The following SYNPR variants were observed in gnomAD, a reference collection of about 807,000 sequenced individuals.
SYNPR encodes synaptoporin.
A neutral mutation model predicts 32.9 loss-of-function variants in SYNPR; 23 were observed. The observed-to-expected ratio is 0.70, with a 90% CI of 0.50 to 0.99. SYNPR has a LOEUF of 0.99. Among genes scored for constraint, SYNPR ranks in the 50% least tolerant of loss-of-function variants. The pLI, the probability that SYNPR is intolerant of heterozygous loss-of-function variation, is 0.00. For missense variants in SYNPR, 318 were observed against 349.3 expected, an observed-to-expected ratio of 0.91 and a Z score of 0.71; for synonymous variants, 146 against 135.9, an observed-to-expected ratio of 1.07 and a Z score of -0.52.
intron 2 of SYNPR, among the ~76,000 whole-genome samples, chr3:63,286,777 T>C (rs1470661605): frequency 6.6e-6 from 1 of 152,192 alleles, no homozygotes; most frequent in Non-Finnish European, 1.5e-5. Flanking sequence ...TTTCCTAACC[T>C]GAAAACTGGG....
chr3:63,567,413 C>T (rs189181674), intron 4 of SYNPR, among the ~76,000 whole-genome samples: 7 of 152,254 alleles, frequency 4.6e-5, no homozygotes, highest in African/African-American at 1.4e-4. Context: ...TTTCATCCTC[C>T]TATCATTTTT....
chr3:63,401,447 C>T (rs535258545), intron 2 of SYNPR, among the ~76,000 whole-genome samples: 2 of 152,276 alleles, frequency 1.3e-5, no homozygotes, highest in East Asian at 3.9e-4. Flanking sequence ...CTAGGAAGTG[C>T]CACTCCAATC....
chr3:63,550,119 C>T (rs972360964), intron 3 of SYNPR: 1 of 151,930 alleles, frequency 6.6e-6, no homozygotes, highest in African/African-American at 2.4e-5. Context: ...TATTTGCTTC[C>T]AAAGTTATTA....
chr3:63,251,282 G>C (rs2086328994), intron 1 of SYNPR, among the ~76,000 whole-genome samples: 1 of 151,874 alleles, frequency 6.6e-6, no homozygotes, highest in South Asian at 2.1e-4. Context: ...CCACGAAAAA[G>C]TCTCTAAGAC....
At chr3:63,419,766 G>A (rs775366260) in intron 2 of SYNPR, among the ~76,000 whole-genome samples, 4 of 152,144 alleles carry the variant, frequency 2.6e-5, no homozygotes, top group Non-Finnish European at 5.9e-5. Context: ...GATTTTCCAT[G>A]AAAGGCATGT....
chr3:63,484,266 A>G (rs1701102523), intron 3 of SYNPR, among the ~76,000 whole-genome samples: 1 of 152,162 alleles, frequency 6.6e-6, no homozygotes, highest in East Asian at 1.9e-4. Flanking sequence ...GATTACAATG[A>G]ACAACTATTA....
At chr3:63,563,643 A>G (rs571319207) in intron 4 of SYNPR, among the ~76,000 whole-genome samples, 1 of 151,672 alleles carries the variant, frequency 6.6e-6, no homozygotes, top group South Asian at 2.1e-4. Flanking sequence ...TGTCTATTTT[A>G]TTTTAATAGG....
the SYNPR span, among the ~76,000 whole-genome samples, chr3:63,220,950 A>T: frequency 6.6e-6 from 1 of 152,162 alleles, no homozygotes; most frequent in African/African-American, 2.4e-5. Context: ...GCAATTCTTT[A>T]TATTAAACTC....
At chr3:63,432,124 C>T (rs1700007773) in intron 2 of SYNPR, among the ~76,000 whole-genome samples, 1 of 152,210 alleles carries the variant, frequency 6.6e-6, no homozygotes, top group Non-Finnish European at 1.5e-5. Context: ...AGCATGTTCA[C>T]ACTATCTTCC....
chr3:63,536,647 T>C (rs147856195), intron 3 of SYNPR, among the ~76,000 whole-genome samples: 1 of 152,268 alleles, frequency 6.6e-6, no homozygotes, highest in East Asian at 1.9e-4. Context: ...AGTGAAAATA[T>C]ATGTCCACAC....
chr3:63,231,635 C>A (rs2086167563), intron 1 of SYNPR, among the ~76,000 whole-genome samples: 1 of 152,134 alleles, frequency 6.6e-6, no homozygotes, highest in South Asian at 2.1e-4. Context: ...CATTGCTGGG[C>A]CTTCCAACTT....
rs115624439 is a variant in SYNPR, at chr3:63,581,677, G to A, written c.408+24936G>A. On this transcript the variant is annotated intron_variant, in intron 4 of 5. Transcript: ENST00000478300. ...AAAGATATGTATTTTTGTACAACAC[G>A]GTCCTAAATACAAACCAACACCTTT... 7.0e-3 allele frequency among the ~76,000 whole-genome samples: 1,069 copies of A among 151,954 alleles called. 16 individuals are homozygous for A. Among genetic ancestry groups the A allele is most frequent in the African/African-American group, 0.024 (991 of 41,464 alleles).
At chr3:63,304,253 A>T (rs1282066906) in intron 2 of SYNPR, among the ~76,000 whole-genome samples, 2 of 152,000 alleles carry the variant, frequency 1.3e-5, no homozygotes, top group African/African-American at 4.8e-5. Context: ...AACTAAGGGG[A>T]GAAAGAAAGA....
At chr3:63,322,502 G>A (rs2087121601) in intron 2 of SYNPR, among the ~76,000 whole-genome samples, 1 of 152,072 alleles carries the variant, frequency 6.6e-6, no homozygotes, top group South Asian at 2.1e-4. Flanking sequence ...TACCAAAAAT[G>A]TATACGCTTG....
At chr3:63,556,210 A>C (rs1702592368) in intron 3 of SYNPR, among the ~76,000 whole-genome samples, 1 of 152,170 alleles carries the variant, frequency 6.6e-6, no homozygotes, top group Non-Finnish European at 1.5e-5. Flanking sequence ...AGGCCTGGCG[A>C]GCCCTGTTAA....
In SYNPR at chr3:63,462,804, A is replaced by G. The variant is rs759342372; in HGVS notation, c.85-18028A>G. 2.2e-4 allele frequency among the ~76,000 whole-genome samples: 33 copies of G among 152,188 alleles called. 1 individual carries two copies. The highest frequency in any genetic ancestry group is 1.7e-3 in the Admixed American group (26 of 15,280). ...TGCATCCATTATAATATGCAGTTAC[A>G]ACCAATCTCTGCTAAGGAAGTCAAA... On this transcript the variant is annotated intron_variant, in intron 2 of 5. Coordinates refer to ENST00000478300, the MANE Select transcript of SYNPR (RefSeq NM_001130003.2).
intron 4 of SYNPR, among the ~76,000 whole-genome samples, chr3:63,580,484 T>G (rs139143568): frequency 6.6e-6 from 1 of 152,288 alleles, no homozygotes; most frequent in Non-Finnish European, 1.5e-5. Context: ...GCAGTACAAG[T>G]GTCTCAAGGG....
chr3:63,548,874 G>A (rs1702456206), intron 3 of SYNPR, among the ~76,000 whole-genome samples: 2 of 152,154 alleles, frequency 1.3e-5, no homozygotes, highest in Non-Finnish European at 2.9e-5. Flanking sequence ...ACCGCCAAAT[G>A]TATTGGTAGG....
chr3:63,446,528 G>C (rs1700279977), intron 2 of SYNPR, among the ~76,000 whole-genome samples: 2 of 152,060 alleles, frequency 1.3e-5, no homozygotes, highest in Non-Finnish European at 2.9e-5. Context: ...GGATTTTATA[G>C]GGGGAAAATG....
Sources: gnomAD v4.1 joint callset for allele counts (sites outside exome capture counted in the v4.1 genomes callset) on GRCh38, gnomAD v4.1.1 for gene constraint, MANE v1.5 for transcripts, NCBI Gene and HGNC (gene_info 2026-07-23, HGNC 2026-07-21) for gene names.